The following GSG1L variants were observed in gnomAD, a reference collection of about 807,000 sequenced individuals.
GSG1L encodes GSG1 like.
Under a neutral mutation model 42.1 loss-of-function variants are expected in GSG1L, and 24 were observed. The observed-to-expected ratio is 0.57, with a 90% CI of 0.41 to 0.80. The LOEUF (loss-of-function observed/expected upper bound fraction) is 0.80. GSG1L is among the 30% of genes least tolerant of loss of function. GSG1L has a pLI of 0.00. For missense variants in GSG1L, 445 were observed against 472.2 expected, an observed-to-expected ratio of 0.94 and a Z score of 0.53; for synonymous variants, 215 against 203.5, an observed-to-expected ratio of 1.06 and a Z score of -0.48.
At position 27,879,746 on chromosome 16, in the gene GSG1L, TA is replaced by T. The variant is rs768344019; in HGVS notation, c.550+4739del. On this transcript the variant is annotated intron_variant, in intron 3 of 6. Transcript: ENST00000447459. ...AATCTAATACAATGTAAATGATATG[TA>T]AATAGTTGTTGTATTGTTATTAAAT... Among the ~76,000 whole-genome samples, 4 of 152,228 alleles carry T rather than the reference TA, an allele frequency of 2.6e-5. No homozygotes were observed. The East Asian group carries it at 7.7e-4, about 29-fold the overall frequency.
chr16:28,022,952 G>A (rs564679190), intron 1 of GSG1L, among the ~76,000 whole-genome samples: 2 of 152,214 alleles, frequency 1.3e-5, no homozygotes, highest in African/African-American at 2.4e-5. Context: ...TTACAGATGT[G>A]AGCCACTGCA....
intron 1 of GSG1L, among the ~76,000 whole-genome samples, chr16:28,013,249 TATA>T (rs2085744496): frequency 6.7e-6 from 1 of 148,554 alleles, no homozygotes; most frequent in South Asian, 2.1e-4. Flanking sequence ...AAGGGAGAAA[TATA>T]ATACACATGT....
chr16:28,029,530 G>GGATGGATGGAT (rs1555515223), intron 1 of GSG1L, among the ~76,000 whole-genome samples: 1 of 149,358 alleles, frequency 6.7e-6, no homozygotes, highest in South Asian at 2.2e-4. Flanking sequence ...GGTGCATGAA[G>GGATGGATGGAT]GGATGGATGG....
At chr16:28,062,990 G>T (rs934185858) in intron 1 of GSG1L, 86 bp downstream of exon 1, 3 of 1,224,508 alleles carry the variant, frequency 2.4e-6, no homozygotes, top group Non-Finnish European at 3.0e-6. Context: ...CGGGAGGAGG[G>T]CGAACGGGTC....
chr16:27,951,503 G>C (rs2084950236), intron 2 of GSG1L, among the ~76,000 whole-genome samples: 1 of 152,252 alleles, frequency 6.6e-6, no homozygotes, highest in African/African-American at 2.4e-5. Context: ...GTCTGGGGAT[G>C]AAGGAGGGCT....
At chr16:27,994,921 C>A (rs550889118) in intron 1 of GSG1L, among the ~76,000 whole-genome samples, 1 of 152,294 alleles carries the variant, frequency 6.6e-6, no homozygotes, top group African/African-American at 2.4e-5. Flanking sequence ...CAGCTGTACA[C>A]AGCTGCCATG....
chr16:27,857,630 C>T (rs945016702), intron 3 of GSG1L, among the ~76,000 whole-genome samples: 2 of 151,872 alleles, frequency 1.3e-5, no homozygotes, highest in Admixed American at 1.3e-4. Flanking sequence ...TGTGCAGCAC[C>T]CCGGGGAAGC....
chr16:27,884,349 C>T lies in GSG1L; in HGVS notation c.550+137G>A. 1 of 780,646 alleles carries T rather than the reference C, an allele frequency of 1.3e-6. No homozygotes were observed. Among genetic ancestry groups the T allele is most frequent in the Non-Finnish European group, 2.0e-6 (1 of 506,162 alleles). The allele number at this position is 780,646 out of a possible 1,614,324, so 48.4% of individuals were successfully genotyped here. On this transcript the variant is annotated intron_variant, in intron 3 of 6. Coordinates refer to ENST00000447459, the MANE Select transcript of GSG1L (RefSeq NM_001109763.2). The surrounding 1 kb of genome is among the most constrained non-coding windows in gnomAD (Gnocchi z 4.4). ...GTCAATATGCATTGGTCATTTTTTA[C>T]AAACGATAAAACTGAGGCTCACAGA...
intron 5 of GSG1L, among the ~76,000 whole-genome samples, chr16:27,809,709 C>T (rs1403290892): frequency 6.6e-6 from 1 of 152,172 alleles, no homozygotes; most frequent in Non-Finnish European, 1.5e-5. Context: ...TAAAATCTCT[C>T]TCACCCTGTC....
At chr16:28,014,022 A>G (rs1340952655) in intron 1 of GSG1L, among the ~76,000 whole-genome samples, 1 of 152,250 alleles carries the variant, frequency 6.6e-6, no homozygotes, top group Non-Finnish European at 1.5e-5. Context: ...CCCACCAACC[A>G]GGACTACGAC....
chr16:27,979,794 AAGG>A (rs1212979304), intron 1 of GSG1L, among the ~76,000 whole-genome samples: 4 of 138,796 alleles, frequency 2.9e-5, no homozygotes, highest in African/African-American at 5.5e-5. Flanking sequence ...AAAAGAAAGA[AAGG>A]AAAGAAAGAA....
chr16:27,986,315 T>C (rs548135374), intron 1 of GSG1L, among the ~76,000 whole-genome samples: 2 of 151,942 alleles, frequency 1.3e-5, no homozygotes, highest in Non-Finnish European at 2.9e-5. Context: ...GCCTGGACAA[T>C]ATGGGGAAAC....
intron 2 of GSG1L, among the ~76,000 whole-genome samples, chr16:27,897,869 C>T (rs2084209836): frequency 6.6e-6 from 1 of 152,236 alleles, no homozygotes; most frequent in Non-Finnish European, 1.5e-5. Flanking sequence ...TTCTGGGCAA[C>T]TTTAATGAGG....
intron 3 of GSG1L, among the ~76,000 whole-genome samples, chr16:27,860,307 G>A (rs964611604): frequency 6.6e-6 from 1 of 152,166 alleles, no homozygotes; most frequent in South Asian, 2.1e-4. Flanking sequence ...GTCCTGAATC[G>A]GGCTTGGTCG....
rs549534125 is a variant in GSG1L, at chr16:27,789,006, C to T, written c.*2364G>A. The T allele has an allele frequency of 6.6e-6, 1 of 152,314 alleles. No individual in the cohort carries two copies. Among genetic ancestry groups the T allele is most frequent in the East Asian group, 1.9e-4 (1 of 5,182 alleles). The allele number at this position is 152,314 out of a possible 1,614,324, so 9.4% of individuals were successfully genotyped here. ...TGGCACATAGTAGGGGCACAGTGAA[C>T]TATATCAGTGAATAGATGGATGCAC... On this transcript the variant is annotated 3_prime_UTR_variant, in exon 7 of 7. Coordinates refer to ENST00000447459, the MANE Select transcript of GSG1L (RefSeq NM_001109763.2).
At chr16:27,832,032 T>C (rs2083279868) in intron 4 of GSG1L, among the ~76,000 whole-genome samples, 1 of 152,186 alleles carries the variant, frequency 6.6e-6, no homozygotes, top group Non-Finnish European at 1.5e-5. Context: ...CTGTCTACCA[T>C]CTCTAAGAAG....
At chr16:27,887,678 C>T (rs1287115863) in intron 2 of GSG1L, among the ~76,000 whole-genome samples, 1 of 152,198 alleles carries the variant, frequency 6.6e-6, no homozygotes, top group Non-Finnish European at 1.5e-5. Flanking sequence ...AATTCTGAGT[C>T]CCCACTTGCT....
rs1567573909 is a variant in GSG1L at position 28,059,473 on chromosome 16, C to A, written c.349+3603G>T. ...GCCAGCCTGGCAAGTCCCCCAAGAC[C>A]CCTCCACCTCCCCCCAATCTTCCCA... On this transcript the variant is annotated intron_variant, in intron 1 of 6. Transcript: ENST00000447459. This position sits in a 1 kb window ranked among gnomAD's most constrained non-coding sequence, Gnocchi z 4.4. 6.6e-6 allele frequency among the ~76,000 whole-genome samples: 1 copy of A among 151,974 alleles called. No individual in the cohort carries two copies. Among genetic ancestry groups the A allele is most frequent in the Non-Finnish European group, 1.5e-5 (1 of 67,998 alleles).
At chr16:27,847,283 A>T (rs1366343954) in intron 3 of GSG1L, among the ~76,000 whole-genome samples, 1 of 152,166 alleles carries the variant, frequency 6.6e-6, no homozygotes, top group Non-Finnish European at 1.5e-5. Flanking sequence ...CGGTGTGGTC[A>T]GGTGGGTATG....
Sources: allele counts gnomAD v4.1 joint callset (sites outside exome capture counted in the v4.1 genomes callset), GRCh38; gene constraint gnomAD v4.1.1; non-coding constraint Gnocchi (gnomAD v3.1); transcripts MANE v1.5; gene names NCBI Gene and HGNC (gene_info 2026-07-23, HGNC 2026-07-21).